Variants in FAT4 observed in about 807,000 individuals in gnomAD.
FAT4 encodes FAT atypical cadherin 4.
FAT4 carries 84 observed loss-of-function variants against 303.9 expected under a neutral mutation model. That is an observed-to-expected ratio of 0.28 (90% CI 0.23 to 0.33). The LOEUF is 0.33. FAT4 is among the 10% of genes least tolerant of loss of function. The probability of loss-of-function intolerance (pLI) is 1.00; values close to 1 mark genes in which losing one functional copy is unlikely to be tolerated. For synonymous variants in FAT4, 2,307 were observed against 2,298.8 expected (o/e 1.00, Z -0.10); for missense variants, 6,005 against 6,146.8 (o/e 0.98, Z 0.77).
In FAT4 at chr4:125,317,765, G is replaced by T; in HGVS notation, c.1354G>T (p.Val452Phe). 1 of 1,614,196 alleles carries T rather than the reference G, an allele frequency of 6.2e-7. No homozygotes were observed. ...CTACGGGGCGCCCCCTGGCGCAGCA[G>T]TCCAGGCGCGCTCTTCTGTGGCAAG... ...DNYGAPPGAA[V>F]QARSSVASLV... Residue 452 changes from valine to phenylalanine, a missense_variant, in exon 2 of 18, where the codon GTC (valine) becomes TTC (phenylalanine). Coordinates refer to ENST00000394329, the MANE Select transcript of FAT4 (RefSeq NM_001291303.3). The surrounding 1 kb of genome is among the most constrained non-coding windows in gnomAD (Gnocchi z 7.0).
intron 10 of FAT4, among the ~76,000 whole-genome samples, chr4:125,460,332 A>G (rs1049297035): frequency 6.6e-6 from 1 of 152,020 alleles, no homozygotes; most frequent in African/African-American, 2.4e-5. Context: ...GGTTTGGTAC[A>G]TAGGTAAACT....
chr4:125,463,962 T>C (rs1220972174), intron 11 of FAT4, among the ~76,000 whole-genome samples: 1 of 152,112 alleles, frequency 6.6e-6, no homozygotes, highest in African/African-American at 2.4e-5. Flanking sequence ...TGAGAAGTTA[T>C]GAAATAAAAA....
chr4:125,367,208 A>G (rs72675308), intron 2 of FAT4, among the ~76,000 whole-genome samples: 7,694 of 152,254 alleles, frequency 0.051, 234 homozygotes, highest in East Asian at 0.085. Context: ...ACAAAGTCTC[A>G]TCCACCAATT....
At chr4:125,430,182 A>G (rs138288658) in intron 7 of FAT4, among the ~76,000 whole-genome samples, 14 of 151,712 alleles carry the variant, frequency 9.2e-5, no homozygotes, top group African/African-American at 2.7e-4. Context: ...AAGCAAACAC[A>G]CAGACACAGA....
rs1399530142 is a variant in FAT4 at position 125,334,734 on chromosome 4, T to C, written c.5175+13148T>C. 5.3e-5 allele frequency among the ~76,000 whole-genome samples: 8 copies of C among 152,266 alleles called. No homozygotes were observed. The East Asian group carries it at 1.5e-3, about 29-fold the overall frequency. The stretch of plus-strand genomic sequence containing the variant: ...TCAGAGTTATTAAATGTTACTTGAA[T>C]TGATTATATTATATGGTCATAGAAT... On this transcript the variant is annotated intron_variant, in intron 2 of 17. Transcript: ENST00000394329.
chr4:125,379,028 G>T (rs960254472), intron 2 of FAT4, among the ~76,000 whole-genome samples: 3 of 151,868 alleles, frequency 2.0e-5, no homozygotes, highest in Admixed American at 2.0e-4. Flanking sequence ...TCTACACAAT[G>T]CTCAACAGAA....
In FAT4 at chr4:125,317,128, T is replaced by A. The variant is rs775108097; in HGVS notation, c.717T>A (p.Thr239=). Residue 239 remains threonine (T), a synonymous_variant, in exon 2 of 18, where the codon ACT becomes ACA. Transcript: ENST00000394329. This position sits in a 1 kb window ranked among gnomAD's most constrained non-coding sequence, Gnocchi z 7.0. The part of the protein sequence containing the change: ...KRRGYLQVNV[T]VQDINDNPPV... The stretch of plus-strand genomic sequence containing the variant: ...GGGGCTACCTTCAGGTAAACGTGAC[T>A]GTGCAAGACATTAATGACAACCCCC... 1 of 1,613,382 alleles carries A rather than the reference T, an allele frequency of 6.2e-7. No individual in the cohort carries two copies. The highest frequency in any genetic ancestry group is 8.5e-7 in the Non-Finnish European group (1 of 1,179,862).
intron 12 of FAT4, among the ~76,000 whole-genome samples, chr4:125,472,519 A>G (rs889095096): frequency 1.3e-5 from 2 of 152,214 alleles, no homozygotes; most frequent in African/African-American, 2.4e-5. Flanking sequence ...ATAAGGGCAT[A>G]AGACAGAAAC....
chr4:125,409,446 G>C (rs1044001495), intron 5 of FAT4, among the ~76,000 whole-genome samples: 2 of 151,998 alleles, frequency 1.3e-5, no homozygotes, highest in Admixed American at 1.3e-4. Flanking sequence ...AGTAGAGACG[G>C]GGTTTCTCCA....
chr4:125,446,217 G>T (rs1487065600), intron 8 of FAT4, 76 bp from the exon 9 acceptor site: 8 of 1,310,624 alleles, frequency 6.1e-6, no homozygotes, highest in Non-Finnish European at 7.3e-6. Flanking sequence ...TTCTACCTCA[G>T]TTTTTTAATT....
intron 2 of FAT4, among the ~76,000 whole-genome samples, chr4:125,325,500 A>G (rs995123492): frequency 1.4e-4 from 21 of 152,200 alleles, no homozygotes; most frequent in Non-Finnish European, 2.5e-4. Context: ...TCAAATATTT[A>G]AAAAGAAACA....
intron 8 of FAT4, among the ~76,000 whole-genome samples, chr4:125,440,610 TGAGAGAGA>T (rs1553925990): frequency 1.3e-5 from 1 of 75,728 alleles, no homozygotes; most frequent in African/African-American, 5.8e-5. Flanking sequence ...TGTGTGTGTG[TGAGAGAGA>T]GAGAGAGAGA....
rs1727566733 is a variant in FAT4, at chr4:125,490,171, C to T, written c.13355C>T (p.Thr4452Ile). The part of the protein sequence containing the change: ...SCEPGLHSGF[T>I]CSCPDSHTGR... Reference sequence around the variant, plus strand: ...GAGCCAGGCCTGCACTCCGGCTTCACCTGTAGCTGCCCAGACTCGCACACG... The same window carrying T: ...GAGCCAGGCCTGCACTCCGGCTTCATCTGTAGCTGCCCAGACTCGCACACG... Residue 4452 changes from threonine (T) to isoleucine (I), a missense_variant, in exon 18 of 18, where the codon ACC (threonine) becomes ATC (isoleucine). Physicochemically the swap from Thr to Ile is moderately conservative, Grantham distance 89 (BLOSUM62 -1). Coordinates refer to ENST00000394329, the MANE Select transcript of FAT4 (RefSeq NM_001291303.3). The T allele has an allele frequency of 1.2e-6, 2 of 1,614,014 alleles. No homozygotes were observed. Among genetic ancestry groups the T allele is most frequent in the Admixed American group, 1.7e-5 (1 of 59,996 alleles).
At chr4:125,350,142 G>A (rs1041623255) in intron 2 of FAT4, among the ~76,000 whole-genome samples, 2 of 144,716 alleles carry the variant, frequency 1.4e-5, no homozygotes, top group Non-Finnish European at 3.0e-5. Context: ...GGAATACAAA[G>A]TAATGGTAAA....
Position 125,320,518 on chromosome 4 carries a change from TG to T in FAT4, c.4110del (p.Ser1371ValfsTer18). 1 of 1,614,000 alleles carries T rather than the reference TG, an allele frequency of 6.2e-7. No individual in the cohort carries two copies. The highest frequency in any genetic ancestry group is 8.5e-7 in the Non-Finnish European group (1 of 1,179,916). On this transcript the variant is annotated frameshift_variant, in exon 2 of 18. Coordinates refer to ENST00000394329, the MANE Select transcript of FAT4 (RefSeq NM_001291303.3). LOFTEE classifies it high-confidence loss of function. Reference sequence around the variant, plus strand: ...GAACTTTTAGCATTAGCCCAAACACTGGGAGTATTTTTCTTGCCAAAAAACT... The same window carrying T: ...GAACTTTTAGCATTAGCCCAAACACTGGAGTATTTTTCTTGCCAAAAAACT... ...HGTFSISPNT[G>X]SIFLAKKLDF...
intron 2 of FAT4, among the ~76,000 whole-genome samples, chr4:125,359,134 G>T (rs896792178): frequency 6.6e-6 from 1 of 152,022 alleles, no homozygotes; most frequent in Admixed American, 6.6e-5. Flanking sequence ...TTCTAGTCTG[G>T]CACATCATCA....
chr4:125,406,413 T>G (rs1734609093), intron 3 of FAT4, among the ~76,000 whole-genome samples: 1 of 152,190 alleles, frequency 6.6e-6, no homozygotes. Context: ...GTAGTATATT[T>G]TAAAATCAGG....
At chr4:125,408,389 T>G in intron 4 of FAT4, 55 bp from the exon 5 acceptor site, 1 of 1,172,920 alleles carries the variant, frequency 8.5e-7, no homozygotes, top group Admixed American at 2.3e-5. Flanking sequence ...ATATGTTCTC[T>G]TAGTAATACT....
At chr4:125,378,926 C>A (rs762726492) in intron 2 of FAT4, among the ~76,000 whole-genome samples, 22 of 151,940 alleles carry the variant, frequency 1.4e-4, no homozygotes, top group Non-Finnish European at 2.6e-4. Context: ...TATTGTAAAA[C>A]ATTTATGAAA....
Sources: allele counts gnomAD v4.1 joint callset (sites outside exome capture counted in the v4.1 genomes callset), GRCh38; gene constraint gnomAD v4.1.1; non-coding constraint Gnocchi (gnomAD v3.1); transcripts MANE v1.5; gene names NCBI Gene and HGNC (gene_info 2026-07-23, HGNC 2026-07-21).